TPCN1: variants seen among roughly 807,000 people sequenced by gnomAD.
The protein encoded by TPCN1 is two pore channel protein 1.
TPCN1 carries 52 observed loss-of-function variants against 108.8 expected under a neutral mutation model. That is an observed-to-expected ratio of 0.48 (90% CI 0.38 to 0.60). The LOEUF (loss-of-function observed/expected upper bound fraction) is 0.60, where lower values mean the gene tolerates loss of function less well. Among genes scored for constraint, TPCN1 ranks in the 20% least tolerant of loss-of-function variants. TPCN1 has a pLI of 0.00. For missense variants in TPCN1, 806 were observed against 1,072.8 expected (o/e 0.75, Z 3.47); for synonymous variants, 446 against 433.7 (o/e 1.03, Z -0.35).
At chr12:113,226,616 T>G in intron 1 of TPCN1, 112 bp from the exon 2 acceptor site, 3 of 917,548 alleles carry the variant, frequency 3.3e-6, no homozygotes, top group South Asian at 1.8e-5. Flanking sequence ...CTTGAGTGGT[T>G]TTTATTCACG....
In TPCN1 at chr12:113,264,766, A is replaced by G. The variant is rs189057569; in HGVS notation, c.238-1414A>G. ...CCCCATATACAATTATTATTTGTCA[A>G]TTAAAACAAAGTAGGGTATGGGGAA... On this transcript the variant is annotated intron_variant, in intron 3 of 27. Coordinates refer to ENST00000335509, the MANE Select transcript of TPCN1 (RefSeq NM_017901.6). 1.1e-3 allele frequency among the ~76,000 whole-genome samples: 160 copies of G among 152,346 alleles called. 1 individual carries two copies. The highest frequency in any genetic ancestry group is 2.0e-3 in the Non-Finnish European group (136 of 68,036).
rs766740079 is a variant in TPCN1 at position 113,288,467 on chromosome 12, C to G, written c.1706+233C>G. On this transcript the variant is annotated intron_variant, in intron 20 of 27. Coordinates refer to ENST00000335509, the MANE Select transcript of TPCN1 (RefSeq NM_017901.6). The surrounding 1 kb of genome is among the most constrained non-coding windows in gnomAD (Gnocchi z 4.8). ...TAGGGAGGGCAGGGAGCTGTCAACT[C>G]GCTTACCACCTGTGTCTACATTCAC... 2 of 1,497,146 alleles carry G rather than the reference C, an allele frequency of 1.3e-6. No homozygotes were observed. Among genetic ancestry groups the G allele is most frequent in the South Asian group, 2.6e-5 (2 of 78,330 alleles). 92.7% of individuals were successfully genotyped at this position (1,497,146 alleles called of 1,614,324 possible).
At chr12:113,234,623 T>C (rs1278883040) in intron 2 of TPCN1, among the ~76,000 whole-genome samples, 2 of 152,158 alleles carry the variant, frequency 1.3e-5, no homozygotes, top group Non-Finnish European at 2.9e-5. Context: ...TTGTAAAAAG[T>C]GCAGTTCTTT....
intron 3 of TPCN1, among the ~76,000 whole-genome samples, chr12:113,263,779 T>C (rs1182900423): frequency 6.6e-6 from 1 of 152,254 alleles, no homozygotes; most frequent in Non-Finnish European, 1.5e-5. Context: ...CTGTGTGGAC[T>C]TGGACCCCAG....
In TPCN1 at chr12:113,269,847, T is replaced by C; in HGVS notation, c.748+2T>C. 1 of 1,613,750 alleles carries C rather than the reference T, an allele frequency of 6.2e-7. No individual in the cohort carries two copies. ...TCATGATCATCTTTGCCATCCTCGG[T>C]GAGTTCCCGCCTCTCAGGCCCAGGT... On this transcript the variant is annotated splice_donor_variant, in intron 7 of 27. Coordinates refer to ENST00000335509, the MANE Select transcript of TPCN1 (RefSeq NM_017901.6). LOFTEE classifies it high-confidence loss of function. This position sits in a 1 kb window ranked among gnomAD's most constrained non-coding sequence, Gnocchi z 5.0.
At chr12:113,276,842 T>C in intron 10 of TPCN1, 77 bp from the exon 11 acceptor site, 1 of 973,984 alleles carries the variant, frequency 1.0e-6, no homozygotes, top group South Asian at 1.3e-5. Context: ...GCCTAGATGA[T>C]GAACTCATAC....
Position 113,298,038 on chromosome 12 carries a change from G to A in TPCN1, c.*1962G>A, listed in dbSNP as rs1566216269. 1 of 152,386 alleles carries A rather than the reference G, an allele frequency of 6.6e-6. No homozygotes were observed. Among genetic ancestry groups the A allele is most frequent in the Admixed American group, 6.5e-5 (1 of 15,288 alleles). The allele number at this position is 152,386 out of a possible 1,614,324, so 9.4% of individuals were successfully genotyped here. On this transcript the variant is annotated 3_prime_UTR_variant, in exon 28 of 28. Transcript: ENST00000335509. Reference sequence around the variant, plus strand: ...CCCCGAGGTGGGGGGGCCTATTCCAGGAGGAGTGGGATCTCGGCCCTGTCC... The same window carrying A: ...CCCCGAGGTGGGGGGGCCTATTCCAAGAGGAGTGGGATCTCGGCCCTGTCC...
chr12:113,233,606 G>A (rs75190389), intron 2 of TPCN1, among the ~76,000 whole-genome samples: 1 of 152,226 alleles, frequency 6.6e-6, no homozygotes, highest in Admixed American at 6.5e-5. Flanking sequence ...GACATCCTCT[G>A]ACTGTCACCC....
intron 7 of TPCN1, among the ~76,000 whole-genome samples, chr12:113,271,261 A>G (rs1381374893): frequency 6.6e-6 from 1 of 152,192 alleles, no homozygotes; most frequent in Admixed American, 6.5e-5. Flanking sequence ...TGGGCAACAG[A>G]GCAAGACTCT....
intron 1 of TPCN1, 24 bp downstream of exon 1, chr12:113,221,650 G>C (rs1279802991): frequency 1.1e-5 from 2 of 179,616 alleles, no homozygotes; most frequent in South Asian, 1.1e-4. Context: ...GGATGCGACG[G>C]CTTGGCCCGA....
In TPCN1 at chr12:113,297,275, C is replaced by G. The variant is rs962782615; in HGVS notation, c.*1199C>G. On this transcript the variant is annotated 3_prime_UTR_variant, in exon 28 of 28. Transcript: ENST00000335509. The surrounding 1 kb of genome is among the most constrained non-coding windows in gnomAD (Gnocchi z 4.4). ...ACAGAGGCAGGGTCAGTGCAGAGGT[C>G]GCTTTGGTTCCGCTTCCCTGGGCCA... is the stretch of plus-strand genomic sequence containing the variant. The G allele has an allele frequency of 6.5e-6, 1 of 153,248 alleles. No homozygotes were observed. The highest frequency in any genetic ancestry group is 2.4e-5 in the African/African-American group (1 of 41,446). The allele number at this position is 153,248 out of a possible 1,614,324, so 9.5% of individuals were successfully genotyped here.
At chr12:113,226,237 A>G (rs1200626339) in intron 1 of TPCN1, among the ~76,000 whole-genome samples, 1 of 151,892 alleles carries the variant, frequency 6.6e-6, no homozygotes, top group Non-Finnish European at 1.5e-5. Flanking sequence ...TTAAAAATTG[A>G]GTTTTAATTT....
Position 113,284,724 on chromosome 12 carries a change from A to G in TPCN1, c.1406A>G (p.Asn469Ser). Residue 469 changes from asparagine to serine, a missense_variant, in exon 17 of 28, where the codon AAC becomes AGC. Asn to Ser is a conservative substitution (Grantham distance 46, BLOSUM62 1). Coordinates refer to ENST00000335509, the MANE Select transcript of TPCN1 (RefSeq NM_017901.6). The surrounding 1 kb of genome is among the most constrained non-coding windows in gnomAD (Gnocchi z 4.1). Reference protein sequence around the residue: ...LVETFMLKGGNFFSKHVPWSY... With the variant: ...LVETFMLKGGSFFSKHVPWSY... ...CTACTTCTCTGTCTTACAGGTGGGA[A>G]CTTCTTCTCCAAGCACGTGCCCTGG... 1 of 1,614,180 alleles carries G rather than the reference A, an allele frequency of 6.2e-7. No homozygotes were observed. The highest frequency in any genetic ancestry group is 8.5e-7 in the Non-Finnish European group (1 of 1,180,016).
Position 113,266,507 on chromosome 12 carries a change from G to A in TPCN1, c.414+151G>A, listed in dbSNP as rs184311783. 278 of 1,015,438 alleles carry A rather than the reference G, an allele frequency of 2.7e-4. No homozygotes were observed. The highest frequency in any genetic ancestry group is 2.2e-3 in the East Asian group (91 of 41,122). 62.9% of individuals were successfully genotyped at this position (1,015,438 alleles called of 1,614,324 possible). A position where few individuals can be genotyped will look rare whatever the true frequency, so the allele number is the denominator to read the frequency against. On this transcript the variant is annotated intron_variant, in intron 4 of 27. Coordinates refer to ENST00000335509, the MANE Select transcript of TPCN1 (RefSeq NM_017901.6). The surrounding 1 kb of genome is among the most constrained non-coding windows in gnomAD (Gnocchi z 4.2). Reference sequence around the variant, plus strand: ...AGGTGGTCATAGAGGCCTTGGGAGCGGAAATGCCTGGGTGTCCCTGCTGGA... The same window carrying A: ...AGGTGGTCATAGAGGCCTTGGGAGCAGAAATGCCTGGGTGTCCCTGCTGGA...
rs573092545 is a variant in TPCN1 at position 113,280,207 on chromosome 12, A to G, written c.1342+12A>G. The stretch of plus-strand genomic sequence containing the variant: ...CCAGTATTTCATGTGTAAGTGTGAA[A>G]TATCTCCACTCTAGGCCACTTTCCC... On this transcript the variant is annotated intron_variant, in intron 15 of 27. Transcript: ENST00000335509. 1 of 1,606,738 alleles carries G rather than the reference A, an allele frequency of 6.2e-7. No homozygotes were observed. Among genetic ancestry groups the G allele is most frequent in the East Asian group, 2.2e-5 (1 of 44,776 alleles).
In TPCN1 at chr12:113,284,559, T is replaced by A; in HGVS notation, c.1343-22T>A. The A allele has an allele frequency of 6.2e-7, 1 of 1,613,932 alleles. No homozygotes were observed. Among genetic ancestry groups the A allele is most frequent in the Non-Finnish European group, 8.5e-7 (1 of 1,179,984 alleles). ...AAGCCCCCCTGTTATTTCTCTGTCT[T>A]TTACGGGCCTGTGTATTTCAGACTT... On this transcript the variant is annotated intron_variant, in intron 15 of 27. Transcript: ENST00000335509. This position sits in a 1 kb window ranked among gnomAD's most constrained non-coding sequence, Gnocchi z 4.1.
intron 2 of TPCN1, among the ~76,000 whole-genome samples, chr12:113,253,186 C>T (rs1203842954): frequency 6.6e-6 from 1 of 152,108 alleles, no homozygotes; most frequent in Admixed American, 6.6e-5. Flanking sequence ...GTAATATTAC[C>T]TACTTGGGAG....
At position 113,289,749 on chromosome 12, in the gene TPCN1, C is replaced by T. The variant is rs1956206966; in HGVS notation, c.1797-379C>T. 2.0e-5 allele frequency among the ~76,000 whole-genome samples: 3 copies of T among 152,366 alleles called. No individual in the cohort carries two copies. The South Asian group carries it at 6.2e-4, about 32-fold the overall frequency. On this transcript the variant is annotated intron_variant, in intron 21 of 27. Transcript: ENST00000335509. This position sits in a 1 kb window ranked among gnomAD's most constrained non-coding sequence, Gnocchi z 4.1. ...GGGAAGCCCCAGTAGGGAATTCCTT[C>T]CCTGGGACTGTGGCCTAGTGTCCAG...
At chr12:113,244,457 T>G in intron 2 of TPCN1, 1 of 985,420 alleles carries the variant, frequency 1.0e-6, no homozygotes, top group Non-Finnish European at 1.2e-6. Context: ...TTGCAACCAA[T>G]TATCAGAAAG....
Sources: allele counts gnomAD v4.1 joint callset (sites outside exome capture counted in the v4.1 genomes callset), GRCh38; gene constraint gnomAD v4.1.1; non-coding constraint Gnocchi (gnomAD v3.1); transcripts MANE v1.5; gene names NCBI Gene and HGNC (gene_info 2026-07-23, HGNC 2026-07-21).